Variants in LIM2 observed in about 807,000 individuals in gnomAD.
LIM2 encodes the protein lens intrinsic membrane protein 2.
LIM2 carries 14 observed loss-of-function variants against 19.0 expected under a neutral mutation model. That is an observed-to-expected ratio of 0.74 (90% CI 0.49 to 1.15). The LOEUF is 1.15. Ranked by LOEUF, LIM2 falls within the 50% of genes most tolerant of loss-of-function variation. The pLI is 0.00. For synonymous variants in LIM2, 78 were observed against 89.6 expected (o/e 0.87, Z 0.73); for missense variants, 230 against 243.5 (o/e 0.94, Z 0.37).
At chr19:51,384,029 T>C (rs1986967940) in intron 2 of LIM2, among the ~76,000 whole-genome samples, 1 of 152,222 alleles carries the variant, frequency 6.6e-6, no homozygotes, top group African/African-American at 2.4e-5. Context: ...AATGTTTATG[T>C]TGAAATTGTA....
intron 2 of LIM2, among the ~76,000 whole-genome samples, chr19:51,385,805 G>C (rs928726382): frequency 2.0e-5 from 3 of 152,172 alleles, no homozygotes; most frequent in African/African-American, 7.2e-5. Context: ...CAGCAAACAG[G>C]CATCGTCCTG....
chr19:51,387,333 G>A lies in LIM2; in HGVS notation c.111C>T (p.Phe37=), dbSNP rs775258126. 9.3e-6 allele frequency: 15 copies of A among 1,614,038 alleles called. No individual in the cohort carries two copies. Among genetic ancestry groups the A allele is most frequent in the African/African-American group, 2.7e-5 (2 of 74,938 alleles). ...AGTACCGCCACAGGCCCTGGTGGGC[G>A]AAGGACCCTGACAGCCGGTACTGCA... ...HWMQYRLSGS[F]AHQGLWRYCL... Residue 37 remains phenylalanine, a synonymous_variant, in exon 2 of 5, where the codon TTC becomes TTT. Coordinates refer to ENST00000596399, the MANE Select transcript of LIM2 (RefSeq NM_001161748.2).
At chr19:51,383,159 C>T (rs1347058898) in intron 2 of LIM2, among the ~76,000 whole-genome samples, 5 of 151,142 alleles carry the variant, frequency 3.3e-5, no homozygotes, top group Non-Finnish European at 7.4e-5. Flanking sequence ...CTCAGGGTCC[C>T]GAGTAGCTGG....
Position 51,380,211 on chromosome 19 carries a change from G to A in LIM2, c.512C>T (p.Thr171Ile), listed in dbSNP as rs770813550. The change falls in exon 5 of 5, where the codon ACA (threonine) becomes ATA (isoleucine). Residue 171 changes from threonine to isoleucine, a missense_variant. Physicochemically the swap from Thr to Ile is moderately conservative, Grantham distance 89 (BLOSUM62 -1). Transcript: ENST00000596399. Reference sequence around the variant, plus strand: ...GGGACACATTTGGGCTCAGCGGGGTGTAGACAGGCGCCGGCATTCATGCAC... The same window carrying A: ...GGGACACATTTGGGCTCAGCGGGGTATAGACAGGCGCCGGCATTCATGCAC... ...YRVHECRRLSTPR is the reference protein window; with the variant it reads ...YRVHECRRLSIPR 1.2e-5 allele frequency: 20 copies of A among 1,613,780 alleles called. No individual in the cohort carries two copies. The highest frequency in any genetic ancestry group is 1.1e-4 in the East Asian group (5 of 44,874).
At chr19:51,387,562 T>A in intron 1 of LIM2, 113 bp from the exon 2 acceptor site, 1 of 1,469,292 alleles carries the variant, frequency 6.8e-7, no homozygotes, top group Non-Finnish European at 9.3e-7. Context: ...GAGAAGGAGA[T>A]GGAGACCTAG....
chr19:51,387,476 G>T, intron 1 of LIM2, 27 bp from the exon 2 acceptor site: 1 of 1,612,386 alleles, frequency 6.2e-7, no homozygotes, highest in Non-Finnish European at 8.5e-7. Flanking sequence ...AGATGGGATT[G>T]GGAGCTGAAT....
At chr19:51,387,057 A>T in intron 2 of LIM2, 1 of 883,576 alleles carries the variant, frequency 1.1e-6, no homozygotes, top group Non-Finnish European at 1.9e-6. Context: ...ACCTCTCCCA[A>T]CTTAACCTTC....
rs147625714 is a variant in LIM2 at position 51,387,219 on chromosome 19, C to T, written c.175+50G>A. 6.3e-4 allele frequency: 1,013 copies of T among 1,614,212 alleles called. 5 individuals carry two copies. The highest frequency in any genetic ancestry group is 3.1e-3 in the Middle Eastern group (19 of 6,062). ...ACAGGTGTCCTTGGGCCCCGAGGTC[C>T]GCCCTGCTCTTTCCCCAGGCGCGGC... On this transcript the variant is annotated intron_variant, in intron 2 of 4. Coordinates refer to ENST00000596399, the MANE Select transcript of LIM2 (RefSeq NM_001161748.2).
chr19:51,387,691 G>A (rs1987114995), intron 1 of LIM2, among the ~76,000 whole-genome samples: 1 of 152,128 alleles, frequency 6.6e-6, no homozygotes, highest in Admixed American at 6.5e-5. Flanking sequence ...GGGAAGAAAA[G>A]GCCGGGGGCC....
chr19:51,385,116 C>G (rs1351226811), intron 2 of LIM2, among the ~76,000 whole-genome samples: 1 of 151,934 alleles, frequency 6.6e-6, no homozygotes, highest in Admixed American at 6.6e-5. Flanking sequence ...CCTACCTCAG[C>G]CTCCCGAAGT....
intron 2 of LIM2, among the ~76,000 whole-genome samples, chr19:51,385,704 G>A (rs925467044): frequency 3.9e-5 from 6 of 152,170 alleles, no homozygotes; most frequent in African/African-American, 1.4e-4. Context: ...AGCCAGAAAG[G>A]AGAAGGATGT....
intron 2 of LIM2, among the ~76,000 whole-genome samples, chr19:51,385,340 G>A (rs960461140): frequency 6.6e-6 from 1 of 152,092 alleles, no homozygotes; most frequent in Non-Finnish European, 1.5e-5. Context: ...TGGCCAACAT[G>A]GTCAAATCCT....
rs1267416165 is a variant in LIM2, at chr19:51,382,477, T to G, written c.266A>C (p.Gln89Pro). ...CCGGGAGATGCGGGAGAAGGTAGGC[T>G]GATGAGCGAAGGCCATGATGCCCAT... ...IIMGIMAFAH[Q>P]PTFSRISRPF... The change falls in exon 3 of 5, where the codon CAG (glutamine) becomes CCG (proline). Residue 89 changes from glutamine to proline, a missense_variant. Physicochemically the swap from Gln to Pro is moderately conservative, Grantham distance 76. Coordinates refer to ENST00000596399, the MANE Select transcript of LIM2 (RefSeq NM_001161748.2). The G allele has an allele frequency of 6.2e-7, 1 of 1,613,874 alleles. No individual in the cohort carries two copies. Among genetic ancestry groups the G allele is most frequent in the Admixed American group, 1.7e-5 (1 of 59,986 alleles).
At position 51,380,626 on chromosome 19, in the gene LIM2, C is replaced by T; in HGVS notation, c.339G>A (p.Val113=). 2.5e-6 allele frequency: 4 copies of T among 1,614,072 alleles called. No homozygotes were observed. Among genetic ancestry groups the T allele is most frequent in the Non-Finnish European group, 3.4e-6 (4 of 1,180,020 alleles). The part of the protein sequence containing the change: ...IMFFSSTLFV[V]LALAIYTGVT... ...CTCCAGTGTAGATGGCCAAGGCCAA[C>T]ACGACGAAAAGGGCTGGGGAGAGAG... The change falls in exon 4 of 5, where the codon GTG becomes GTA. Residue 113 remains valine (V), a synonymous_variant. Transcript: ENST00000596399.
At chr19:51,384,046 G>A (rs1401710092) in intron 2 of LIM2, among the ~76,000 whole-genome samples, 1 of 152,118 alleles carries the variant, frequency 6.6e-6, no homozygotes, top group Non-Finnish European at 1.5e-5. Flanking sequence ...TGTAACTAGT[G>A]CCTTAGAATG....
intron 2 of LIM2, 27 bp from the exon 3 acceptor site, chr19:51,382,594 C>G: frequency 6.2e-7 from 1 of 1,612,536 alleles, no homozygotes; most frequent in Non-Finnish European, 8.5e-7. Context: ...TGGTCATTCC[C>G]ACACCTCCCC....
At chr19:51,382,999 C>T (rs1986937655) in intron 2 of LIM2, among the ~76,000 whole-genome samples, 1 of 146,314 alleles carries the variant, frequency 6.8e-6, no homozygotes, top group South Asian at 2.2e-4. Flanking sequence ...AATTACTATT[C>T]TCTCTCACAT....
intron 3 of LIM2, 81 bp from the exon 4 acceptor site, chr19:51,380,720 G>A (rs1568480149): frequency 1.3e-6 from 2 of 1,547,524 alleles, no homozygotes; most frequent in African/African-American, 1.4e-5. Context: ...TGATGATGGG[G>A]GTGGGAACTA....
At chr19:51,384,156 G>A (rs1035047246) in intron 2 of LIM2, among the ~76,000 whole-genome samples, 6 of 152,156 alleles carry the variant, frequency 3.9e-5, no homozygotes, top group African/African-American at 1.4e-4. Context: ...GGCTGGGTGT[G>A]GTGGCTCCTG....
Sources: allele counts gnomAD v4.1 joint callset (sites outside exome capture counted in the v4.1 genomes callset), GRCh38; gene constraint gnomAD v4.1.1; transcripts MANE v1.5; gene names NCBI Gene and HGNC (gene_info 2026-07-23, HGNC 2026-07-21).